Variants in CCNH observed in about 807,000 individuals in gnomAD.
CCNH encodes cyclin H, also known as cyclin-H.
CCNH carries 31 observed loss-of-function variants against 41.9 expected under a neutral mutation model. The observed-to-expected ratio is 0.74, with a 90% CI of 0.56 to 1.00. The LOEUF is 1.00. CCNH is among the 50% of genes least tolerant of loss of function. The probability of loss-of-function intolerance (pLI) is 0.00; values close to 1 mark genes in which losing one functional copy is unlikely to be tolerated. For missense variants in CCNH, 362 were observed against 388.4 expected (o/e 0.93, Z 0.57); for synonymous variants, 138 against 136.1 (o/e 1.01, Z -0.10).
intron 1 of CCNH, chr5:87,412,438 C>T (rs1764327346): frequency 2.9e-6 from 4 of 1,373,828 alleles, no homozygotes; most frequent in Non-Finnish European, 3.8e-6. Context: ...TACTTACTCT[C>T]TTCTTCACTA....
Position 87,412,825 on chromosome 5 carries a change from GCAGACGAGAACC to G in CCNH, c.-43_-32del. The G allele has an allele frequency of 6.2e-7, 1 of 1,604,814 alleles. No homozygotes were observed. On this transcript the variant is annotated 5_prime_UTR_variant, in exon 1 of 9. Transcript: ENST00000256897. ...AATCGTGACCAGGTCCAGAGGGTCT[GCAGACGAGAACC>G]CAAACGCATCAGCGTCCTGGCGTAA...
downstream of CCNH, chr5:87,391,347 T>C: frequency 3.5e-6 from 1 of 288,682 alleles, no homozygotes; most frequent in South Asian, 7.9e-5. Context: ...ATTAGGAATA[T>C]GACCATTTGA....
intron 4 of CCNH, among the ~76,000 whole-genome samples, chr5:87,407,217 T>C (rs772835093): frequency 6.6e-6 from 1 of 152,186 alleles, no homozygotes; most frequent in African/African-American, 2.4e-5. Flanking sequence ...TAATCTGTTA[T>C]CTCCCTCTAA....
At chr5:87,396,916 G>C (rs1441494916) in intron 7 of CCNH, among the ~76,000 whole-genome samples, 1 of 152,190 alleles carries the variant, frequency 6.6e-6, no homozygotes, top group Non-Finnish European at 1.5e-5. Context: ...CAACTGCTAA[G>C]TAACTTCTGA....
chr5:87,398,509 C>T (rs1164535976), intron 7 of CCNH, among the ~76,000 whole-genome samples: 1 of 152,150 alleles, frequency 6.6e-6, no homozygotes, highest in Non-Finnish European at 1.5e-5. Flanking sequence ...AGTACCTGTC[C>T]AAATTCCCAA....
intron 9 of CCNH, among the ~76,000 whole-genome samples, chr5:87,319,269 C>T (rs368347063): frequency 1.3e-5 from 2 of 152,228 alleles, no homozygotes; most frequent in African/African-American, 4.8e-5. Flanking sequence ...GATGATGGCC[C>T]TCTTCCCACA....
intron 6 of CCNH, among the ~76,000 whole-genome samples, chr5:87,400,437 T>C (rs150795359): frequency 4.5e-4 from 68 of 152,248 alleles, no homozygotes; most frequent in African/African-American, 1.5e-3. Context: ...ATGAAATGAG[T>C]ACAGTGGAAT....
rs553303956 is a variant in CCNH at position 87,395,416 on chromosome 5, C to T, written c.873-312G>A. On this transcript the variant is annotated intron_variant, in intron 7 of 8. Coordinates refer to ENST00000256897, the MANE Select transcript of CCNH (RefSeq NM_001239.4). ...AGAACAGTGTTGGAGGACCTTGTCC[C>T]AGTTATCTTTAAAGCACACTACAAA... 7.2e-5 allele frequency among the ~76,000 whole-genome samples: 11 copies of T among 152,104 alleles called. No homozygotes were observed. In the South Asian group the frequency reaches 2.1e-3, roughly 29 times the overall value.
At chr5:87,356,851 C>A (rs1355002549) in intron 9 of CCNH, among the ~76,000 whole-genome samples, 1 of 152,118 alleles carries the variant, frequency 6.6e-6, no homozygotes, top group Non-Finnish European at 1.5e-5. Context: ...ATCTGAAATA[C>A]CTCCAAGGTA....
intron 9 of CCNH, among the ~76,000 whole-genome samples, chr5:87,334,920 G>GT (rs1757855623): frequency 6.6e-6 from 1 of 151,606 alleles, no homozygotes; most frequent in African/African-American, 2.4e-5. Flanking sequence ...ATCTTGCTCT[G>GT]TTACCCAGGC....
chr5:87,320,482 A>G (rs569018588), intron 9 of CCNH, among the ~76,000 whole-genome samples: 7 of 152,350 alleles, frequency 4.6e-5, no homozygotes, highest in African/African-American at 1.4e-4. Context: ...GAGGCCTCAG[A>G]AGACTTACAA....
At chr5:87,374,060 A>C, downstream of CCNH, 1 of 1,044,792 alleles carries the variant, frequency 9.6e-7, no homozygotes, top group Non-Finnish European at 1.2e-6. Flanking sequence ...GGGGAAAATA[A>C]GTCATTATTT....
At chr5:87,380,662 A>G (rs1230409061), upstream of CCNH, 3 of 1,340,186 alleles carry the variant, frequency 2.2e-6, no homozygotes, top group Non-Finnish European at 3.2e-6. Flanking sequence ...AAATTGAGGA[A>G]TAACAATATA....
intron 9 of CCNH, among the ~76,000 whole-genome samples, chr5:87,350,448 A>C (rs114916935): frequency 0.013 from 1,936 of 151,966 alleles, 26 homozygotes; most frequent in Non-Finnish European, 0.019. Flanking sequence ...CATCTTCTTA[A>C]CTGAATAAAT....
At chr5:87,321,119 T>C (rs1756767231) in intron 9 of CCNH, among the ~76,000 whole-genome samples, 1 of 152,152 alleles carries the variant, frequency 6.6e-6, no homozygotes, top group South Asian at 2.1e-4. Flanking sequence ...GAGAGGGTAG[T>C]AATGAATGAA....
At chr5:87,389,304 C>T (rs1762292667), downstream of CCNH, 4 of 1,527,568 alleles carry the variant, frequency 2.6e-6, no homozygotes, top group South Asian at 4.5e-5. Context: ...GCATTTCAGC[C>T]TGGGCAACAA....
At chr5:87,389,496 G>A (rs886060844), downstream of CCNH, 2 of 1,613,926 alleles carry the variant, frequency 1.2e-6, no homozygotes, top group Non-Finnish European at 8.5e-7. Flanking sequence ...GATGAACTTC[G>A]AACGCTCAGT....
rs144113801 is a variant in CCNH at position 87,386,235 on chromosome 5, T to C, written c.*90+6535A>G. 2.7e-3 allele frequency among the ~76,000 whole-genome samples: 407 copies of C among 152,176 alleles called. 5 individuals are homozygous for C. The highest frequency in any genetic ancestry group is 8.5e-3 in the East Asian group (44 of 5,184). Reference sequence around the variant, plus strand: ...GAGGTCCTTATCTCATTGAGTTTCTTACTGATTTTAAAAGAGTGTGTTAAT... The same window carrying C: ...GAGGTCCTTATCTCATTGAGTTTCTCACTGATTTTAAAAGAGTGTGTTAAT... On this transcript the variant is annotated intron_variant and NMD_transcript_variant, in intron 9 of 9. Coordinates refer to the CCNH transcript ENST00000645953.
chr5:87,389,600 T>C, downstream of CCNH: 3 of 1,562,514 alleles, frequency 1.9e-6, no homozygotes, highest in Non-Finnish European at 1.8e-6. Flanking sequence ...AATAGCTGAA[T>C]TCTGGTTAAC....
Sources: gnomAD v4.1 joint callset for allele counts (sites outside exome capture counted in the v4.1 genomes callset) on GRCh38, gnomAD v4.1.1 for gene constraint, MANE v1.5 for transcripts, NCBI Gene and HGNC (gene_info 2026-07-23, HGNC 2026-07-21) for gene names.